The following ANXA8L1 variants were observed in gnomAD, a reference collection of about 807,000 sequenced individuals.
The protein encoded by ANXA8L1 is annexin A8-like protein 1.
Under a neutral mutation model 22.5 loss-of-function variants are expected in ANXA8L1, and 10 were observed. The observed-to-expected ratio is 0.44, with a 90% confidence interval of 0.27 to 0.75. ANXA8L1 has a LOEUF of 0.75. Among genes scored for constraint, ANXA8L1 ranks in the 30% least tolerant of loss-of-function variants. ANXA8L1 has a pLI of 0.15. For synonymous variants in ANXA8L1, 36 were observed against 86.0 expected (o/e 0.42, Z 3.22); for missense variants, 88 against 219.6 (o/e 0.40, Z 3.79).
chr10:46,382,635 G>A lies in ANXA8L1; in HGVS notation c.264G>A (p.Val88=). The A allele has an allele frequency of 7.7e-7, 1 of 1,291,904 alleles. No individual in the cohort carries two copies. The highest frequency in any genetic ancestry group is 1.1e-6 in the Non-Finnish European group (1 of 949,800). 80.0% of individuals were successfully genotyped at this position (1,291,904 alleles called of 1,614,324 possible). The change falls in exon 4 of 12, where the codon GTG becomes GTA. Residue 88 remains valine, a synonymous_variant. Coordinates refer to ENST00000619162, the MANE Select transcript of ANXA8L1 (RefSeq NM_001098845.3). The part of the protein sequence containing the change: ...ELSGKFERLI[V]ALMYPPYRYE... Reference sequence around the variant, plus strand: ...GTGGCAAGTTTGAGAGGCTCATTGTGGCCCTTATGTATCCGCCATACAGAT... The same window carrying A: ...GTGGCAAGTTTGAGAGGCTCATTGTAGCCCTTATGTATCCGCCATACAGAT...
intron 1 of ANXA8L1, among the ~76,000 whole-genome samples, chr10:46,378,235 G>A (rs1326185021): frequency 1.4e-5 from 2 of 138,512 alleles, no homozygotes; most frequent in Non-Finnish European, 3.1e-5. Flanking sequence ...CTGGGGCAGA[G>A]GGAAGCCGGC....
chr10:46,375,794 C>G lies in ANXA8L1; in HGVS notation c.-58C>G. The G allele has an allele frequency of 6.2e-7, 1 of 1,608,582 alleles. No individual in the cohort carries two copies. On this transcript the variant is annotated 5_prime_UTR_variant, in exon 1 of 12. Coordinates refer to ENST00000619162, the MANE Select transcript of ANXA8L1 (RefSeq NM_001098845.3). The stretch of plus-strand genomic sequence containing the variant: ...AGGAGCCAGACGTGTGGAGTCCCAG[C>G]AGAGGCCAACCTGTGTCTCTTCATC...
intron 11 of ANXA8L1, among the ~76,000 whole-genome samples, chr10:46,390,532 G>A (rs2799040): frequency 4.1e-5 from 6 of 146,358 alleles, no homozygotes; most frequent in East Asian, 3.9e-4. Flanking sequence ...ATGATGCATC[G>A]TGTTGTGTAA....
rs1840081083 is a variant in ANXA8L1, at chr10:46,391,106, A to T, written c.*176A>T. ...GACCCAGAGGGTGGAACCGGCCTGG[A>T]CTCCTCTTCCCAACTTCCTCCAGGT... On this transcript the variant is annotated 3_prime_UTR_variant, in exon 12 of 12. Coordinates refer to ENST00000619162, the MANE Select transcript of ANXA8L1 (RefSeq NM_001098845.3). 2.1e-6 allele frequency: 1 copy of T among 471,708 alleles called. No individual in the cohort carries two copies. The highest frequency in any genetic ancestry group is 4.5e-5 in the Admixed American group (1 of 22,036). 29.2% of individuals were successfully genotyped at this position (471,708 alleles called of 1,614,324 possible).
chr10:46,376,681 G>A (rs1201665648), intron 1 of ANXA8L1, among the ~76,000 whole-genome samples: 5 of 120,728 alleles, frequency 4.1e-5, no homozygotes, highest in African/African-American at 1.3e-4. Flanking sequence ...TGAGCCTGAG[G>A]CCATCGCTGT....
At chr10:46,378,775 A>G (rs1179727492) in intron 1 of ANXA8L1, among the ~76,000 whole-genome samples, 2 of 82,546 alleles carry the variant, frequency 2.4e-5, no homozygotes, top group Non-Finnish European at 4.3e-5. Context: ...AATTAAAGCA[A>G]AGAGTTCAGA....
intron 11 of ANXA8L1, among the ~76,000 whole-genome samples, chr10:46,389,823 C>T (rs1394122959): frequency 1.3e-5 from 2 of 151,436 alleles, no homozygotes; most frequent in Admixed American, 6.6e-5. Context: ...CCAAGGCTGC[C>T]GTGAGCTAGG....
intron 11 of ANXA8L1, among the ~76,000 whole-genome samples, chr10:46,390,193 G>GT (rs1273416628): frequency 6.7e-6 from 1 of 149,320 alleles, no homozygotes; most frequent in African/African-American, 2.5e-5. Flanking sequence ...GGACCTACCA[G>GT]TATCTAAGAA....
intron 7 of ANXA8L1, 50 bp downstream of exon 7, chr10:46,384,883 C>G: frequency 8.1e-6 from 13 of 1,610,766 alleles, no homozygotes; most frequent in Admixed American, 3.3e-5. Context: ...GCCATCTGGA[C>G]TCCGGCTCCT....
intron 1 of ANXA8L1, among the ~76,000 whole-genome samples, chr10:46,376,303 G>A (rs2996809): frequency 8.5e-4 from 123 of 145,532 alleles, no homozygotes; most frequent in South Asian, 1.9e-3. Context: ...GTCAGAGGGC[G>A]GGGAGCTTGG....
At chr10:46,389,514 T>C (rs1381468765) in intron 11 of ANXA8L1, among the ~76,000 whole-genome samples, 5 of 150,994 alleles carry the variant, frequency 3.3e-5, no homozygotes, top group Non-Finnish European at 7.4e-5. Context: ...GTTAGAATCA[T>C]GAATACATTG....
chr10:46,390,800 T>C lies in ANXA8L1; in HGVS notation c.925-71T>C, dbSNP rs569634064. 74 of 1,081,626 alleles carry C rather than the reference T, an allele frequency of 6.8e-5. 8 individuals are homozygous for C. In the African/African-American group the frequency reaches 1.4e-3, roughly 20 times the overall value. The allele number at this position is 1,081,626 out of a possible 1,614,324, so 67.0% of individuals were successfully genotyped here. A position where few individuals can be genotyped will look rare whatever the true frequency, so the allele number is the denominator to read the frequency against. On this transcript the variant is annotated intron_variant, in intron 11 of 11. Coordinates refer to ENST00000619162, the MANE Select transcript of ANXA8L1 (RefSeq NM_001098845.3). The stretch of plus-strand genomic sequence containing the variant: ...CCAGGGGCACACCTCTTAGTCATAA[T>C]AACACAGCCGCCACTGCCGAGCCAG...
intron 11 of ANXA8L1, among the ~76,000 whole-genome samples, chr10:46,389,476 A>T (rs1235821967): frequency 2.7e-5 from 4 of 149,812 alleles, no homozygotes; most frequent in African/African-American, 1.0e-4. Context: ...TTCAAATTTT[A>T]TCTAATGTTG....
At position 46,390,878 on chromosome 10, in the gene ANXA8L1, C is replaced by T; in HGVS notation, c.932C>T (p.Thr311Ile). Reference protein sequence around the residue: ...KTLSSMIMEDTSGDYKNALLS... With the variant: ...KTLSSMIMEDISGDYKNALLS... Reference sequence around the variant, plus strand: ...TGCGCCTCCTACCCACAGGAAGACACCAGCGGCGACTACAAGAACGCCCTG... The same window carrying T: ...TGCGCCTCCTACCCACAGGAAGACATCAGCGGCGACTACAAGAACGCCCTG... Residue 311 changes from threonine to isoleucine, a missense_variant, in exon 12 of 12, where the codon ACC (threonine) becomes ATC (isoleucine). By Grantham distance (89) the Thr-to-Ile change is moderately conservative (BLOSUM62 -1). Transcript: ENST00000619162. 4 of 1,352,970 alleles carry T rather than the reference C, an allele frequency of 3.0e-6. 1 individual carries two copies. In the East Asian group the frequency reaches 9.1e-5, roughly 31 times the overall value. The allele number at this position is 1,352,970 out of a possible 1,614,324, so 83.8% of individuals were successfully genotyped here. A position where few individuals can be genotyped will look rare whatever the true frequency, so the allele number is the denominator to read the frequency against.
At chr10:46,385,854 G>A in intron 9 of ANXA8L1, 47 bp downstream of exon 9, 1 of 243,826 alleles carries the variant, frequency 4.1e-6, no homozygotes, top group East Asian at 3.7e-5. Flanking sequence ...GGCTCACCGT[G>A]GGGCAGCACC....
intron 6 of ANXA8L1, 146 bp from the exon 7 acceptor site, chr10:46,384,628 G>A: frequency 7.4e-7 from 1 of 1,355,252 alleles, no homozygotes; most frequent in Admixed American, 1.9e-5. Context: ...GGAAACCAAG[G>A]GCTGAAGAGA....
intron 4 of ANXA8L1, 116 bp from the exon 5 acceptor site, chr10:46,383,340 A>G (rs1345851421): frequency 1.5e-6 from 2 of 1,360,680 alleles, no homozygotes; most frequent in Non-Finnish European, 2.0e-6. Flanking sequence ...TCCCACTTCA[A>G]GTGGGGCAGG....
intron 6 of ANXA8L1, 93 bp from the exon 7 acceptor site, chr10:46,384,681 G>T: frequency 6.2e-7 from 1 of 1,608,468 alleles, no homozygotes; most frequent in South Asian, 1.1e-5. Context: ...GAGCAGCAGA[G>T]CCATGCCTAC....
rs1274231046 is a variant in ANXA8L1 at position 46,390,419 on chromosome 10, T to C, written c.925-452T>C. The stretch of plus-strand genomic sequence containing the variant: ...GCTTGCCTCGGCCACACCGTCAGGG[T>C]GCGATGGTCCAGGCTCCCTCCACCC... On this transcript the variant is annotated intron_variant, in intron 11 of 11. Transcript: ENST00000619162. Among the ~76,000 whole-genome samples the C allele has an allele frequency of 2.3e-4, 27 of 117,324 alleles. No homozygotes were observed. The East Asian group carries it at 4.4e-3, about 19-fold the overall frequency. 77.0% of individuals were successfully genotyped at this position (117,324 alleles called of 152,430 possible).
Sources: gnomAD v4.1 joint callset for allele counts (sites outside exome capture counted in the v4.1 genomes callset) on GRCh38, gnomAD v4.1.1 for gene constraint, MANE v1.5 for transcripts, NCBI Gene and HGNC (gene_info 2026-07-23, HGNC 2026-07-21) for gene names.